The following TBC1D31 variants were observed in gnomAD, a reference collection of about 807,000 sequenced individuals.
TBC1D31 encodes TBC1 domain family member 31.
In TBC1D31, 99 loss-of-function variants were observed where a neutral mutation model predicts 132.9. That is an observed-to-expected ratio of 0.74 (90% CI 0.63 to 0.88). TBC1D31 has a LOEUF of 0.88. Among genes scored for constraint, TBC1D31 ranks in the 40% least tolerant of loss-of-function variants. TBC1D31 has a pLI of 0.00. For missense variants in TBC1D31, 1,134 were observed against 1,256.6 expected (o/e 0.90, Z 1.48); for synonymous variants, 385 against 419.4 (o/e 0.92, Z 1.00).
intron 16 of TBC1D31, among the ~76,000 whole-genome samples, chr8:123,131,151 G>T (rs1467433207): frequency 6.6e-6 from 1 of 151,594 alleles, no homozygotes; most frequent in East Asian, 2.0e-4. Context: ...ATCACCTGAG[G>T]TCAGGAGTTC....
chr8:123,104,309 C>T (rs960985615), intron 7 of TBC1D31: 2 of 152,034 alleles, frequency 1.3e-5, no homozygotes, highest in Non-Finnish European at 2.9e-5. Flanking sequence ...GTTCCCCAAG[C>T]GTAGCATTGA....
At chr8:123,126,726 C>T (rs1427020731) in intron 13 of TBC1D31, 39 bp downstream of exon 13, 8 of 1,515,656 alleles carry the variant, frequency 5.3e-6, no homozygotes, top group Non-Finnish European at 6.2e-6. Flanking sequence ...TCTCAAATAT[C>T]AGTTATTTCT....
chr8:123,087,925 G>A (rs545706218), intron 4 of TBC1D31, among the ~76,000 whole-genome samples: 201 of 152,384 alleles, frequency 1.3e-3, no homozygotes, highest in African/African-American at 4.7e-3. Flanking sequence ...GCTTACGCCT[G>A]TAATCTCAGC....
intron 16 of TBC1D31, among the ~76,000 whole-genome samples, chr8:123,130,830 T>C (rs1313621876): frequency 1.3e-5 from 2 of 151,584 alleles, no homozygotes; most frequent in Non-Finnish European, 2.9e-5. Flanking sequence ...TCATGTTGGC[T>C]AGGCTGATCT....
downstream of TBC1D31, among the ~76,000 whole-genome samples, chr8:123,153,927 T>C (rs1216605488): frequency 4.6e-5 from 7 of 152,358 alleles, no homozygotes; most frequent in Middle Eastern, 3.4e-3. Context: ...ACTCTCCACA[T>C]TGGGCTACAT....
Position 123,072,761 on chromosome 8 carries a change from A to G in TBC1D31, c.-9A>G, listed in dbSNP as rs1348151620. On this transcript the variant is annotated 5_prime_UTR_variant, in exon 1 of 22. Coordinates refer to ENST00000287380, the MANE Select transcript of TBC1D31 (RefSeq NM_145647.4). ...AGCGGGCCGCCGGCGGTCGTGGGCA[A>G]GCTTCGCCATGCAGAGCACTGACCT... 1 of 1,558,392 alleles carries G rather than the reference A, an allele frequency of 6.4e-7. No homozygotes were observed. The highest frequency in any genetic ancestry group is 8.7e-7 in the Non-Finnish European group (1 of 1,151,372).
chr8:123,122,485 G>C (rs1004930686), intron 11 of TBC1D31, among the ~76,000 whole-genome samples: 1 of 152,162 alleles, frequency 6.6e-6, no homozygotes, highest in African/African-American at 2.4e-5. Context: ...TCTAGAATAG[G>C]TAAATTCATA....
chr8:123,164,260 A>G, the TBC1D31 span, among the ~76,000 whole-genome samples: 4 of 152,214 alleles, frequency 2.6e-5, no homozygotes, highest in African/African-American at 9.6e-5. Flanking sequence ...GGACAAAGCC[A>G]TGCCAAGGAG....
chr8:123,136,606 G>A (rs547110286), intron 17 of TBC1D31, among the ~76,000 whole-genome samples: 10 of 151,954 alleles, frequency 6.6e-5, no homozygotes, highest in East Asian at 5.8e-4. Context: ...GCCCACCACC[G>A]CACCTGGCTA....
chr8:123,162,711 T>C, the TBC1D31 span, among the ~76,000 whole-genome samples: 1 of 152,206 alleles, frequency 6.6e-6, no homozygotes, highest in African/African-American at 2.4e-5. Flanking sequence ...GCACGAATAA[T>C]ATGTACTAAT....
At chr8:123,136,009 A>C (rs1436852821) in intron 17 of TBC1D31, among the ~76,000 whole-genome samples, 2 of 152,206 alleles carry the variant, frequency 1.3e-5, no homozygotes, top group African/African-American at 4.8e-5. Flanking sequence ...ACCTATGCAC[A>C]TATATACACA....
intron 16 of TBC1D31, among the ~76,000 whole-genome samples, chr8:123,132,907 A>G (rs1820762768): frequency 6.6e-6 from 1 of 152,168 alleles, no homozygotes; most frequent in African/African-American, 2.4e-5. Context: ...GTAAGCTCAG[A>G]ACTCTGATGT....
intron 4 of TBC1D31, among the ~76,000 whole-genome samples, chr8:123,092,488 G>A (rs1006697098): frequency 4.9e-4 from 75 of 152,028 alleles, no homozygotes; most frequent in African/African-American, 1.8e-3. Flanking sequence ...TATAAACACT[G>A]TATTAAATAC....
chr8:123,133,595 G>C (rs1466445396), intron 16 of TBC1D31, among the ~76,000 whole-genome samples: 1 of 152,054 alleles, frequency 6.6e-6, no homozygotes. Context: ...TAGTATATAG[G>C]AATAAAAAGC....
chr8:123,128,105 A>AT, intron 13 of TBC1D31, 176 bp from the exon 14 acceptor site: 1 of 428,490 alleles, frequency 2.3e-6, no homozygotes, highest in Non-Finnish European at 4.1e-6. Context: ...AAACTCTTAC[A>AT]TTTTTTAAAT....
intron 10 of TBC1D31, among the ~76,000 whole-genome samples, chr8:123,118,369 GT>G (rs941407892): frequency 1.3e-5 from 2 of 151,830 alleles, no homozygotes; most frequent in African/African-American, 2.4e-5. Flanking sequence ...TATTTTTGCA[GT>G]TTTTTTTGTA....
At chr8:123,156,957 C>A (rs371844534), downstream of TBC1D31, among the ~76,000 whole-genome samples, 207 of 152,334 alleles carry the variant, frequency 1.4e-3, no homozygotes, top group African/African-American at 4.7e-3. Context: ...CCCTCCTCCC[C>A]CCCGCGACGG....
chr8:123,078,438 T>C (rs929475259), intron 2 of TBC1D31, among the ~76,000 whole-genome samples: 18 of 152,178 alleles, frequency 1.2e-4, no homozygotes, highest in Non-Finnish European at 7.3e-5. Flanking sequence ...TAGCACTAAA[T>C]AGAGGTATGT....
chr8:123,154,451 C>T (rs1232934586), downstream of TBC1D31, among the ~76,000 whole-genome samples: 1 of 152,148 alleles, frequency 6.6e-6, no homozygotes, highest in East Asian at 1.9e-4. Flanking sequence ...TGGGGAGGGT[C>T]TCAGAGTTGG....
Sources: gnomAD v4.1 joint callset for allele counts (sites outside exome capture counted in the v4.1 genomes callset) on GRCh38, gnomAD v4.1.1 for gene constraint, MANE v1.5 for transcripts, NCBI Gene and HGNC (gene_info 2026-07-23, HGNC 2026-07-21) for gene names.